The following NDRG3 variants were observed in gnomAD, a reference collection of about 807,000 sequenced individuals.
NDRG3 encodes NDRG family member 3.
A neutral mutation model predicts 57.2 loss-of-function variants in NDRG3; 23 were observed. The ratio of observed to expected loss-of-function variants is 0.40; its 90% CI spans 0.29 to 0.57. The LOEUF is 0.57. Ranked by LOEUF, NDRG3 falls within the 20% of genes least tolerant of loss-of-function variation. NDRG3 has a pLI of 0.42. For synonymous variants in NDRG3, 132 were observed against 162.6 expected, an observed-to-expected ratio of 0.81 and a Z score of 1.43; for missense variants, 384 against 457.3, an observed-to-expected ratio of 0.84 and a Z score of 1.46.
At chr20:36,691,136 G>A (rs979117245) in intron 3 of NDRG3, among the ~76,000 whole-genome samples, 1 of 152,160 alleles carries the variant, frequency 6.6e-6, no homozygotes, top group Non-Finnish European at 1.5e-5. Context: ...AAGGCAAAGG[G>A]CTTCCAGTTT....
chr20:36,715,417 A>G (rs1180295289), intron 2 of NDRG3, among the ~76,000 whole-genome samples: 2 of 151,890 alleles, frequency 1.3e-5, no homozygotes, highest in Non-Finnish European at 2.9e-5. Context: ...AGTCCACACT[A>G]GATGTAGCAC....
intron 8 of NDRG3, among the ~76,000 whole-genome samples, chr20:36,680,487 A>C (rs1981175431): frequency 6.8e-6 from 1 of 148,108 alleles, no homozygotes. Flanking sequence ...TCCATCTCAA[A>C]AAAAAAAAAA....
In NDRG3 at chr20:36,730,593, G is replaced by A. The variant is rs956894696; in HGVS notation, c.-48-8810C>T. Among the ~76,000 whole-genome samples the A allele has an allele frequency of 3.3e-5, 5 of 151,556 alleles. No individual in the cohort carries two copies. In the East Asian group the frequency reaches 9.7e-4, roughly 29 times the overall value. The stretch of plus-strand genomic sequence containing the variant: ...GGGTCTGTCAGGCTCCTGAAATTAC[G>A]AAATGTGAAAAAAATAAAAAAAAAG... On this transcript the variant is annotated intron_variant, in intron 1 of 15. Transcript: ENST00000349004.
At chr20:36,742,095 T>C (rs1456044829) in intron 1 of NDRG3, among the ~76,000 whole-genome samples, 3 of 152,182 alleles carry the variant, frequency 2.0e-5, no homozygotes, top group Non-Finnish European at 4.4e-5. Flanking sequence ...CCACATCTCA[T>C]ACTGATCCTT....
At chr20:36,734,331 C>T (rs1985499992) in intron 1 of NDRG3, among the ~76,000 whole-genome samples, 1 of 152,218 alleles carries the variant, frequency 6.6e-6, no homozygotes, top group East Asian at 1.9e-4. Context: ...CACACTTTCT[C>T]CCAGGTCATC....
rs1440545216 is a variant in NDRG3 at position 36,746,084 on chromosome 20, C to CA, written c.-89_-88insT. 32 of 11,364 alleles carry CA rather than the reference C, an allele frequency of 2.8e-3. No individual in the cohort carries two copies. The highest frequency in any genetic ancestry group is 4.0e-3 in the Non-Finnish European group (25 of 6,190). The allele number at this position is 11,364 out of a possible 1,614,324, so 0.7% of individuals were successfully genotyped here. On this transcript the variant is annotated 5_prime_UTR_variant, in exon 1 of 16. Coordinates refer to ENST00000349004, the MANE Select transcript of NDRG3 (RefSeq NM_032013.4). ...CCCGCCGTCAGTGCAGCAGCAGCGGCGGCGGCGGCGGCGGCGGCGGCGGCG... is the reference window on the plus strand; with the variant it reads ...CCCGCCGTCAGTGCAGCAGCAGCGGCAGGCGGCGGCGGCGGCGGCGGCGGCG...
chr20:36,690,310 A>T (rs1411447614), intron 3 of NDRG3, among the ~76,000 whole-genome samples: 1 of 152,272 alleles, frequency 6.6e-6, no homozygotes, highest in African/African-American at 2.4e-5. Flanking sequence ...AAAGCTCAGG[A>T]ACCAAATAGA....
intron 3 of NDRG3, among the ~76,000 whole-genome samples, chr20:36,704,780 C>A (rs2148164720): frequency 6.6e-6 from 1 of 152,324 alleles, no homozygotes. Flanking sequence ...GAGTTTGGAA[C>A]TGAGATTCAG....
At chr20:36,665,839 G>A (rs559847622) in intron 10 of NDRG3, among the ~76,000 whole-genome samples, 95 of 152,130 alleles carry the variant, frequency 6.2e-4, no homozygotes, top group Non-Finnish European at 1.1e-3. Context: ...CTCATGATCC[G>A]CCCACCTCGG....
intron 9 of NDRG3, chr20:36,668,640 A>G (rs1477096409): frequency 1.3e-5 from 2 of 152,106 alleles, no homozygotes; most frequent in African/African-American, 4.8e-5. Flanking sequence ...TGAACAATCA[A>G]TTCAGATAAT....
At chr20:36,720,462 T>G (rs1984526745) in intron 2 of NDRG3, among the ~76,000 whole-genome samples, 1 of 152,074 alleles carries the variant, frequency 6.6e-6, no homozygotes, top group Non-Finnish European at 1.5e-5. Context: ...CATAAGCCAC[T>G]GCACCTGGCC....
chr20:36,737,523 T>C (rs1280743609), intron 1 of NDRG3, among the ~76,000 whole-genome samples: 1 of 152,242 alleles, frequency 6.6e-6, no homozygotes, highest in Non-Finnish European at 1.5e-5. Context: ...AAGCACTTTA[T>C]GGATTCATTA....
intron 9 of NDRG3, among the ~76,000 whole-genome samples, chr20:36,669,203 C>T (rs141964904): frequency 0.018 from 2,656 of 151,000 alleles, 70 homozygotes; most frequent in African/African-American, 0.061. Flanking sequence ...ATTACAGGCA[C>T]GTGCCACCAC....
rs1164942587 is a variant in NDRG3 at position 36,653,829 on chromosome 20, A to G, written c.947-128T>C. 3.8e-6 allele frequency: 3 copies of G among 779,326 alleles called. No homozygotes were observed. The highest frequency in any genetic ancestry group is 6.1e-6 in the Non-Finnish European group (3 of 494,132). 48.3% of individuals were successfully genotyped at this position (779,326 alleles called of 1,614,324 possible). ...TACCATGACACCCAGGACAAGATAT[A>G]GCCATCCCCATTTTGTATCATTTGC... On this transcript the variant is annotated intron_variant, in intron 15 of 15. Coordinates refer to ENST00000349004, the MANE Select transcript of NDRG3 (RefSeq NM_032013.4). The surrounding 1 kb of genome is among the most constrained non-coding windows in gnomAD (Gnocchi z 4.2).
intron 9 of NDRG3, among the ~76,000 whole-genome samples, chr20:36,669,293 G>A (rs1979924038): frequency 1.3e-5 from 2 of 151,256 alleles, no homozygotes; most frequent in East Asian, 3.9e-4. Context: ...GCAATGGTGC[G>A]ATCTCAGCTC....
intron 3 of NDRG3, among the ~76,000 whole-genome samples, chr20:36,693,141 TACACACACACAC>T (rs575813448): frequency 2.9e-5 from 1 of 34,584 alleles, no homozygotes; most frequent in African/African-American, 9.3e-5. Context: ...TATATATATA[TACACACACACAC>T]ATATACACAT....
chr20:36,686,702 C>A (rs1600898191), intron 5 of NDRG3, among the ~76,000 whole-genome samples: 1 of 152,194 alleles, frequency 6.6e-6, no homozygotes, highest in South Asian at 2.1e-4. Flanking sequence ...AATCACCCCA[C>A]ACCTCTATCT....
chr20:36,684,687 TA>T (rs1235113152), intron 5 of NDRG3, among the ~76,000 whole-genome samples: 2 of 151,962 alleles, frequency 1.3e-5, no homozygotes, highest in Non-Finnish European at 2.9e-5. Flanking sequence ...TCATCTCTAC[TA>T]AAAATACAAA....
intron 2 of NDRG3, among the ~76,000 whole-genome samples, chr20:36,708,186 T>C (rs1983657372): frequency 6.6e-6 from 1 of 152,102 alleles, no homozygotes; most frequent in Admixed American, 6.6e-5. Context: ...GAAAAAAGTC[T>C]CCCATTATGT....
Sources: allele counts gnomAD v4.1 joint callset (sites outside exome capture counted in the v4.1 genomes callset), GRCh38; gene constraint gnomAD v4.1.1; non-coding constraint Gnocchi (gnomAD v3.1); transcripts MANE v1.5; gene names NCBI Gene and HGNC (gene_info 2026-07-23, HGNC 2026-07-21).